The following KAZN variants were observed in gnomAD, a reference collection of about 807,000 sequenced individuals.
KAZN encodes kazrin.
In KAZN, 40 loss-of-function variants were observed where a neutral mutation model predicts 87.4. That is an observed-to-expected ratio of 0.46 (90% confidence interval 0.36 to 0.60). The LOEUF is 0.60. Among genes scored for constraint, KAZN ranks in the 20% least tolerant of loss-of-function variants. The pLI, the probability that KAZN is intolerant of heterozygous loss-of-function variation, is 0.00. For synonymous variants in KAZN, 466 were observed against 458.3 expected (o/e 1.02, Z -0.22); for missense variants, 898 against 1,073.9 (o/e 0.84, Z 2.29).
intron 1 of KAZN, among the ~76,000 whole-genome samples, chr1:13,980,306 A>G (rs1638600452): frequency 1.3e-5 from 2 of 152,228 alleles, no homozygotes; most frequent in Admixed American, 1.3e-4. Context: ...TACACTAAGT[A>G]TAAATATACT....
intron 1 of KAZN, among the ~76,000 whole-genome samples, chr1:14,904,935 G>T (rs1029968709): frequency 6.6e-6 from 1 of 152,092 alleles, no homozygotes; most frequent in East Asian, 1.9e-4. Flanking sequence ...CTAATTTTTT[G>T]TATTTTTAGT....
At chr1:14,907,994 C>T (rs1656803182) in intron 1 of KAZN, among the ~76,000 whole-genome samples, 1 of 152,232 alleles carries the variant, frequency 6.6e-6, no homozygotes, top group Non-Finnish European at 1.5e-5. Flanking sequence ...AGCTTCTGAG[C>T]ACTAACTCTG....
chr1:14,722,162 AG>A (rs386419505), intron 1 of KAZN, among the ~76,000 whole-genome samples: 72 of 73,950 alleles, frequency 9.7e-4, no homozygotes, highest in East Asian at 2.7e-3. Context: ...AAAAAAAAAA[AG>A]AATAAAAAAT....
intron 5 of KAZN, among the ~76,000 whole-genome samples, chr1:15,058,393 T>C (rs1245727751): frequency 2.0e-5 from 3 of 152,258 alleles, no homozygotes; most frequent in Non-Finnish European, 2.9e-5. Flanking sequence ...CATATGGCCA[T>C]TGGTGGCAAG....
rs551551224 is a variant in KAZN at position 14,376,093 on chromosome 1, G to A, written c.249+195501G>A. Among the ~76,000 whole-genome samples, 12 of 152,244 alleles carry A rather than the reference G, an allele frequency of 7.9e-5. No homozygotes were observed. The South Asian group carries it at 2.5e-3, about 32-fold the overall frequency. On this transcript the variant is annotated intron_variant, in intron 2 of 16. Coordinates refer to the KAZN transcript ENST00000636203. ...GCAACAGAAAAGAGGAGTGTTCATGGACCCAGCACCTGAACACAGTGAGGG... is the reference window on the plus strand; with the variant it reads ...GCAACAGAAAAGAGGAGTGTTCATGAACCCAGCACCTGAACACAGTGAGGG...
chr1:14,315,401 T>G (rs2100823218), intron 2 of KAZN, among the ~76,000 whole-genome samples: 1 of 152,290 alleles, frequency 6.6e-6, no homozygotes, highest in Admixed American at 6.5e-5. Flanking sequence ...TTACATATAA[T>G]ACATCTAATA....
chr1:14,587,639 C>T (rs1028150141), intron 2 of KAZN, among the ~76,000 whole-genome samples: 10 of 151,316 alleles, frequency 6.6e-5, no homozygotes, highest in Admixed American at 1.3e-4. Flanking sequence ...GAGGAGGTGC[C>T]GTACTCCCGG....
At position 15,094,791 on chromosome 1, in the gene KAZN, T is replaced by C; in HGVS notation, c.1429-24T>C. On this transcript the variant is annotated intron_variant, in intron 9 of 14. Coordinates refer to ENST00000376030, the MANE Select transcript of KAZN (RefSeq NM_201628.3). The surrounding 1 kb of genome is among the most constrained non-coding windows in gnomAD (Gnocchi z 4.5). Reference sequence around the variant, plus strand: ...CCGCCGGCAGCTGTCCCAGCCCCCATATGACACTCCCTCCCGGGGGCAGGT... The same window carrying C: ...CCGCCGGCAGCTGTCCCAGCCCCCACATGACACTCCCTCCCGGGGGCAGGT... The C allele has an allele frequency of 2.6e-6, 4 of 1,527,554 alleles. No individual in the cohort carries two copies. The highest frequency in any genetic ancestry group is 3.5e-6 in the Non-Finnish European group (4 of 1,127,244). 94.6% of individuals were successfully genotyped at this position (1,527,554 alleles called of 1,614,324 possible).
intron 2 of KAZN, among the ~76,000 whole-genome samples, chr1:14,358,287 G>T (rs1659208109): frequency 6.6e-6 from 1 of 151,188 alleles, no homozygotes; most frequent in African/African-American, 2.4e-5. Context: ...ATTTCTTATT[G>T]TGTCTATTTG....
At chr1:14,611,825 C>T (rs1278269068) in intron 1 of KAZN, among the ~76,000 whole-genome samples, 1 of 152,054 alleles carries the variant, frequency 6.6e-6, no homozygotes, top group Non-Finnish European at 1.5e-5. Flanking sequence ...AATAGTGGAG[C>T]TAGTGTGGAA....
intron 2 of KAZN, among the ~76,000 whole-genome samples, chr1:14,522,964 G>T (rs1432229728): frequency 6.6e-6 from 1 of 152,182 alleles, no homozygotes; most frequent in Non-Finnish European, 1.5e-5. Flanking sequence ...GCACCAAGGT[G>T]CTGGGAGGGC....
Position 13,982,371 on chromosome 1 carries a change from G to A in KAZN, c.91+88615G>A, listed in dbSNP as rs528869297. On this transcript the variant is annotated intron_variant, in intron 1 of 16. Transcript: ENST00000636203. ...TTCCTTCTGATGTTCGGATGTGTTC[G>A]GAGTTTCTTCCTTCTGGTGGGTTCG... Among the ~76,000 whole-genome samples, 133 of 152,304 alleles carry A rather than the reference G, an allele frequency of 8.7e-4. No individual in the cohort carries two copies. In the Middle Eastern group the frequency reaches 0.017, roughly 19 times the overall value.
At chr1:14,227,851 G>A (rs1029348337) in intron 2 of KAZN, among the ~76,000 whole-genome samples, 4 of 152,178 alleles carry the variant, frequency 2.6e-5, no homozygotes, top group African/African-American at 9.7e-5. Context: ...AGTATGTTAT[G>A]TATGTATGTA....
At chr1:14,551,011 G>T (rs1221019842) in intron 2 of KAZN, among the ~76,000 whole-genome samples, 1 of 151,776 alleles carries the variant, frequency 6.6e-6, no homozygotes, top group African/African-American at 2.4e-5. Context: ...CTGCTCCCCA[G>T]AAATATTACT....
intron 1 of KAZN, among the ~76,000 whole-genome samples, chr1:14,143,360 C>A (rs1029232723): frequency 6.6e-6 from 1 of 152,176 alleles, no homozygotes; most frequent in Non-Finnish European, 1.5e-5. Context: ...CCCTAGAAAA[C>A]CCCTTTCATT....
chr1:14,685,274 A>G (rs545818579), intron 1 of KAZN, among the ~76,000 whole-genome samples: 1 of 152,320 alleles, frequency 6.6e-6, no homozygotes, highest in African/African-American at 2.4e-5. Flanking sequence ...CTTCAGAGCT[A>G]CACAACCTTA....
At chr1:14,403,554 A>C (rs1170817297) in intron 2 of KAZN, among the ~76,000 whole-genome samples, 1 of 152,234 alleles carries the variant, frequency 6.6e-6, no homozygotes, top group African/African-American at 2.4e-5. Context: ...AAGAATTTTC[A>C]ACATCAATAA....
At chr1:14,780,575 G>A (rs6669667) in intron 1 of KAZN, among the ~76,000 whole-genome samples, 2,635 of 152,320 alleles carry the variant, frequency 0.017, 40 homozygotes, top group African/African-American at 0.045. Context: ...TAGGGTTGGT[G>A]TGAAAATTAA....
At chr1:14,027,458 T>A (rs1330565846) in intron 1 of KAZN, among the ~76,000 whole-genome samples, 2 of 152,192 alleles carry the variant, frequency 1.3e-5, no homozygotes, top group Non-Finnish European at 2.9e-5. Context: ...TCAATTAATT[T>A]GTATGTTAAG....
Sources: allele counts gnomAD v4.1 joint callset (sites outside exome capture counted in the v4.1 genomes callset), GRCh38; gene constraint gnomAD v4.1.1; non-coding constraint Gnocchi (gnomAD v3.1); transcripts MANE v1.5; gene names NCBI Gene and HGNC (gene_info 2026-07-23, HGNC 2026-07-21).